The following PLPP6 variants were observed in gnomAD, a reference collection of about 807,000 sequenced individuals.
The protein encoded by PLPP6 is phospholipid phosphatase 6.
A neutral mutation model predicts 16.5 loss-of-function variants in PLPP6; 16 were observed. The observed-to-expected ratio is 0.97, with a 90% CI of 0.66 to 1.47. The LOEUF (loss-of-function observed/expected upper bound fraction) is 1.47, where lower values mean the gene tolerates loss of function less well. Among genes scored for constraint, PLPP6 ranks in the 40% most tolerant of loss-of-function variants. The pLI is 0.00. For missense variants in PLPP6, 512 were observed against 396.6 expected (o/e 1.29, Z -2.47); for synonymous variants, 226 against 188.1 (o/e 1.20, Z -1.65).
chr9:4,663,506 C>G lies in PLPP6; in HGVS notation c.*243C>G. The G allele has an allele frequency of 2.1e-6, 1 of 465,730 alleles. No homozygotes were observed. The highest frequency in any genetic ancestry group is 3.9e-6 in the Non-Finnish European group (1 of 253,446). The allele number at this position is 465,730 out of a possible 1,614,324, so 28.8% of individuals were successfully genotyped here. ...CCTCTATTGTATATTTATTCAACAA[C>G]TGTTTATGTTTCCAGGACAACTGCA... On this transcript the variant is annotated 3_prime_UTR_variant, in exon 1 of 1. Transcript: ENST00000381883.
Position 4,662,820 on chromosome 9 carries a change from G to T in PLPP6, c.445G>T (p.Gly149Cys), listed in dbSNP as rs765625387. 1.2e-6 allele frequency: 2 copies of T among 1,604,966 alleles called. No homozygotes were observed. Among genetic ancestry groups the T allele is most frequent in the Non-Finnish European group, 8.5e-7 (1 of 1,179,940 alleles). Residue 149 changes from glycine (G) to cysteine (C), a missense_variant, in exon 1 of 1, where the codon GGC becomes TGC. By Grantham distance (159) the Gly-to-Cys change is radical. Transcript: ENST00000381883. The surrounding 1 kb of genome is among the most constrained non-coding windows in gnomAD (Gnocchi z 4.9). ...GGGACACGGCATCCCCTGGCTGCTG[G>T]GCACCCTCTACTGCCTGTGCAGGAG... ...ISGHGIPWLL[G>C]TLYCLCRSDS...
chr9:4,663,344 G>A lies in PLPP6; in HGVS notation c.*81G>A, dbSNP rs960862166. 2.5e-5 allele frequency: 36 copies of A among 1,432,370 alleles called. No individual in the cohort carries two copies. The highest frequency in any genetic ancestry group is 1.7e-4 in the African/African-American group (12 of 70,598). The allele number at this position is 1,432,370 out of a possible 1,614,324, so 88.7% of individuals were successfully genotyped here. On this transcript the variant is annotated 3_prime_UTR_variant, in exon 1 of 1. Coordinates refer to ENST00000381883, the MANE Select transcript of PLPP6 (RefSeq NM_203453.5). ...GTCAACCTAAACCAGCAGCCATCCC[G>A]CTTGTCCCTCTTAGGCATTTCAGGC... is the stretch of plus-strand genomic sequence containing the variant.
In PLPP6 at chr9:4,663,359, G is replaced by T; in HGVS notation, c.*96G>T. 1 of 1,289,188 alleles carries T rather than the reference G, an allele frequency of 7.8e-7. No individual in the cohort carries two copies. Among genetic ancestry groups the T allele is most frequent in the South Asian group, 1.4e-5 (1 of 71,612 alleles). The allele number at this position is 1,289,188 out of a possible 1,614,324, so 79.9% of individuals were successfully genotyped here. A position where few individuals can be genotyped will look rare whatever the true frequency, so the allele number is the denominator to read the frequency against. On this transcript the variant is annotated 3_prime_UTR_variant, in exon 1 of 1. Coordinates refer to ENST00000381883, the MANE Select transcript of PLPP6 (RefSeq NM_203453.5). The stretch of plus-strand genomic sequence containing the variant: ...CAGCCATCCCGCTTGTCCCTCTTAG[G>T]CATTTCAGGCTTCCTTTGGGATTTC...
In PLPP6 at chr9:4,662,328, G is replaced by T. The variant is rs1587562721; in HGVS notation, c.-48G>T. ...GCGGAAGAGGCTGCAGGGCCGGGAA[G>T]CCTCTGTTTGGTCCGGCCAGGTCCC... On this transcript the variant is annotated 5_prime_UTR_variant, in exon 1 of 1. Transcript: ENST00000381883. The surrounding 1 kb of genome is among the most constrained non-coding windows in gnomAD (Gnocchi z 4.9). 2.1e-6 allele frequency: 3 copies of T among 1,448,806 alleles called. No individual in the cohort carries two copies. Among genetic ancestry groups the T allele is most frequent in the Non-Finnish European group, 2.7e-6 (3 of 1,106,890 alleles). The allele number at this position is 1,448,806 out of a possible 1,614,324, so 89.7% of individuals were successfully genotyped here.
rs939813521 is a variant in PLPP6 at position 4,663,485 on chromosome 9, T to C, written c.*222T>C. ...AAGCAAAAAAACCCAAAAAATCCTC[T>C]ATTGTATATTTATTCAACAACTGTT... On this transcript the variant is annotated 3_prime_UTR_variant, in exon 1 of 1. Transcript: ENST00000381883. 3.8e-6 allele frequency: 2 copies of C among 528,678 alleles called. No individual in the cohort carries two copies. The highest frequency in any genetic ancestry group is 6.1e-5 in the East Asian group (2 of 32,904). 32.7% of individuals were successfully genotyped at this position (528,678 alleles called of 1,614,324 possible). A position where few individuals can be genotyped will look rare whatever the true frequency, so the allele number is the denominator to read the frequency against.
chr9:4,662,463 G>C lies in PLPP6; in HGVS notation c.88G>C (p.Gly30Arg). Residue 30 changes from glycine to arginine, a missense_variant, in exon 1 of 1, where the codon GGC (glycine) becomes CGC (arginine). Gly to Arg is a moderately radical substitution (Grantham distance 125). Transcript: ENST00000381883. The surrounding 1 kb of genome is among the most constrained non-coding windows in gnomAD (Gnocchi z 4.9). ...SSSSPGSPAH[G>R]GGGGGSRFEF... is the part of the protein sequence containing the mutation. ...CAGCAGCCCCGGCAGCCCAGCCCATGGCGGCGGTGGCGGCGGCAGCAGGTT... is the reference window on the plus strand; with the variant it reads ...CAGCAGCCCCGGCAGCCCAGCCCATCGCGGCGGTGGCGGCGGCAGCAGGTT... 1 of 1,546,078 alleles carries C rather than the reference G, an allele frequency of 6.5e-7. No homozygotes were observed. The highest frequency in any genetic ancestry group is 8.7e-7 in the Non-Finnish European group (1 of 1,155,278).
In PLPP6 at chr9:4,662,584, C is replaced by G. The variant is rs891738704; in HGVS notation, c.209C>G (p.Ser70Cys). The change falls in exon 1 of 1, where the codon TCC becomes TGC. Residue 70 changes from serine (S) to cysteine (C), a missense_variant. Ser to Cys is a moderately radical substitution (Grantham distance 112). Coordinates refer to ENST00000381883, the MANE Select transcript of PLPP6 (RefSeq NM_203453.5). This position sits in a 1 kb window ranked among gnomAD's most constrained non-coding sequence, Gnocchi z 4.9. ...ASESPVHRRG[S>C]FPLAAAGPSQ... Reference sequence around the variant, plus strand: ...GAGAGCCCAGTTCACCGCCGCGGCTCCTTCCCCCTGGCCGCGGCGGGCCCC... The same window carrying G: ...GAGAGCCCAGTTCACCGCCGCGGCTGCTTCCCCCTGGCCGCGGCGGGCCCC... The G allele has an allele frequency of 3.1e-6, 5 of 1,592,030 alleles. No homozygotes were observed. In the African/African-American group the frequency reaches 5.4e-5, roughly 17 times the overall value.
Position 4,663,343 on chromosome 9 carries a change from C to A in PLPP6, c.*80C>A. 1 of 1,432,592 alleles carries A rather than the reference C, an allele frequency of 7.0e-7. No homozygotes were observed. Among genetic ancestry groups the A allele is most frequent in the Non-Finnish European group, 9.6e-7 (1 of 1,040,274 alleles). The allele number at this position is 1,432,592 out of a possible 1,614,324, so 88.7% of individuals were successfully genotyped here. A position where few individuals can be genotyped will look rare whatever the true frequency, so the allele number is the denominator to read the frequency against. ...TGTCAACCTAAACCAGCAGCCATCCCGCTTGTCCCTCTTAGGCATTTCAGG... is the reference window on the plus strand; with the variant it reads ...TGTCAACCTAAACCAGCAGCCATCCAGCTTGTCCCTCTTAGGCATTTCAGG... On this transcript the variant is annotated 3_prime_UTR_variant, in exon 1 of 1. Transcript: ENST00000381883.
Position 4,662,309 on chromosome 9 carries a change from G to C in PLPP6, c.-67G>C, listed in dbSNP as rs970560980. On this transcript the variant is annotated 5_prime_UTR_variant, in exon 1 of 1. Coordinates refer to ENST00000381883, the MANE Select transcript of PLPP6 (RefSeq NM_203453.5). This position sits in a 1 kb window ranked among gnomAD's most constrained non-coding sequence, Gnocchi z 4.9. ...CCGGGATGGTAGTGCGGAAGCGGAA[G>C]AGGCTGCAGGGCCGGGAAGCCTCTG... 34 of 1,436,230 alleles carry C rather than the reference G, an allele frequency of 2.4e-5. No homozygotes were observed. The highest frequency in any genetic ancestry group is 3.1e-5 in the Non-Finnish European group (34 of 1,100,604). 89.0% of individuals were successfully genotyped at this position (1,436,230 alleles called of 1,614,324 possible).
Position 4,664,731 on chromosome 9 carries a change from G to C in PLPP6, c.*1468G>C, listed in dbSNP as rs996684933. 1.2e-5 allele frequency: 2 copies of C among 167,092 alleles called. No homozygotes were observed. The highest frequency in any genetic ancestry group is 4.8e-5 in the African/African-American group (2 of 41,450). 10.4% of individuals were successfully genotyped at this position (167,092 alleles called of 1,614,324 possible). A position where few individuals can be genotyped will look rare whatever the true frequency, so the allele number is the denominator to read the frequency against. Reference sequence around the variant, plus strand: ...TATGGACTTTGATCTGCCATACGGAGGTTCGGAACCTGGAGAACGGCTGTG... The same window carrying C: ...TATGGACTTTGATCTGCCATACGGACGTTCGGAACCTGGAGAACGGCTGTG... On this transcript the variant is annotated 3_prime_UTR_variant, in exon 1 of 1. Transcript: ENST00000381883.
chr9:4,662,795 G>C lies in PLPP6; in HGVS notation c.420G>C (p.Ser140=), dbSNP rs774193833. 2 of 1,605,228 alleles carry C rather than the reference G, an allele frequency of 1.2e-6. No individual in the cohort carries two copies. Among genetic ancestry groups the C allele is most frequent in the Admixed American group, 1.7e-5 (1 of 60,024 alleles). ...CCCTTATGAAGCTGCTGGAGATCTCGGGACACGGCATCCCCTGGCTGCTGG... is the reference window on the plus strand; with the variant it reads ...CCCTTATGAAGCTGCTGGAGATCTCCGGACACGGCATCCCCTGGCTGCTGG... ...VRPLMKLLEI[S]GHGIPWLLGT... The change falls in exon 1 of 1, where the codon TCG becomes TCC. Residue 140 remains serine, a synonymous_variant. Coordinates refer to ENST00000381883, the MANE Select transcript of PLPP6 (RefSeq NM_203453.5). The surrounding 1 kb of genome is among the most constrained non-coding windows in gnomAD (Gnocchi z 4.9).
At position 4,664,568 on chromosome 9, in the gene PLPP6, T is replaced by A. The variant is rs978357772; in HGVS notation, c.*1305T>A. On this transcript the variant is annotated 3_prime_UTR_variant, in exon 1 of 1. Transcript: ENST00000381883. ...ACGCAGGGTGGACTCTGCTCATTAT[T>A]CTTTGACCCAGAAAGACTGGAGAAG... is the stretch of plus-strand genomic sequence containing the variant. The A allele has an allele frequency of 6.0e-6, 1 of 167,086 alleles. No individual in the cohort carries two copies. Among genetic ancestry groups the A allele is most frequent in the South Asian group, 2.1e-4 (1 of 4,830 alleles). The allele number at this position is 167,086 out of a possible 1,614,324, so 10.4% of individuals were successfully genotyped here.
rs374523936 is a variant in PLPP6 at position 4,662,827 on chromosome 9, T to G, written c.452T>G (p.Leu151Arg). 4.4e-6 allele frequency: 7 copies of G among 1,605,046 alleles called. No homozygotes were observed. The highest frequency in any genetic ancestry group is 5.1e-6 in the Non-Finnish European group (6 of 1,179,944). Residue 151 changes from leucine (L) to arginine (R), a missense_variant, in exon 1 of 1, where the codon CTC (leucine) becomes CGC (arginine). Physicochemically the swap from Leu to Arg is moderately radical, Grantham distance 102. Transcript: ENST00000381883. This position sits in a 1 kb window ranked among gnomAD's most constrained non-coding sequence, Gnocchi z 4.9. The stretch of plus-strand genomic sequence containing the variant: ...GGCATCCCCTGGCTGCTGGGCACCC[T>G]CTACTGCCTGTGCAGGAGCGACAGC... ...GHGIPWLLGT[L>R]YCLCRSDSWA...
Position 4,663,481 on chromosome 9 carries a change from C to A in PLPP6, c.*218C>A, listed in dbSNP as rs912365723. 3.7e-6 allele frequency: 2 copies of A among 546,438 alleles called. No homozygotes were observed. The highest frequency in any genetic ancestry group is 3.0e-5 in the South Asian group (1 of 33,894). 33.8% of individuals were successfully genotyped at this position (546,438 alleles called of 1,614,324 possible). ...GGGAAAGCAAAAAAACCCAAAAAAT[C>A]CTCTATTGTATATTTATTCAACAAC... On this transcript the variant is annotated 3_prime_UTR_variant, in exon 1 of 1. Coordinates refer to ENST00000381883, the MANE Select transcript of PLPP6 (RefSeq NM_203453.5).
rs557668202 is a variant in PLPP6, at chr9:4,663,891, T to C, written c.*628T>C. 2.4e-5 allele frequency: 4 copies of C among 167,142 alleles called. No individual in the cohort carries two copies. The East Asian group carries it at 7.7e-4, about 32-fold the overall frequency. The allele number at this position is 167,142 out of a possible 1,614,324, so 10.4% of individuals were successfully genotyped here. A position where few individuals can be genotyped will look rare whatever the true frequency, so the allele number is the denominator to read the frequency against. On this transcript the variant is annotated 3_prime_UTR_variant, in exon 1 of 1. Coordinates refer to ENST00000381883, the MANE Select transcript of PLPP6 (RefSeq NM_203453.5). ...CTATCCATATTTGTGGATCGGGTAG[T>C]GGGAAAAGAGATTATAATACTTGTC...
At position 4,662,494 on chromosome 9, in the gene PLPP6, T is replaced by G. The variant is rs771140540; in HGVS notation, c.119T>G (p.Phe40Cys). 1 of 1,558,780 alleles carries G rather than the reference T, an allele frequency of 6.4e-7. No individual in the cohort carries two copies. The highest frequency in any genetic ancestry group is 8.6e-7 in the Non-Finnish European group (1 of 1,161,806). The change falls in exon 1 of 1, where the codon TTC becomes TGC. Residue 40 changes from phenylalanine (F) to cysteine (C), a missense_variant. Physicochemically the swap from Phe to Cys is radical, Grantham distance 205 (BLOSUM62 -2). Transcript: ENST00000381883. This position sits in a 1 kb window ranked among gnomAD's most constrained non-coding sequence, Gnocchi z 4.9. ...GGTGGCGGCGGCAGCAGGTTTGAGT[T>G]CCAGTCCCTGCTCAGCAGCCGCGCC... The part of the protein sequence containing the change: ...GGGGGGSRFE[F>C]QSLLSSRATA...
chr9:4,662,815 T>C lies in PLPP6; in HGVS notation c.440T>C (p.Leu147Pro). The C allele has an allele frequency of 1.2e-6, 2 of 1,605,168 alleles. No individual in the cohort carries two copies. The highest frequency in any genetic ancestry group is 1.7e-6 in the Non-Finnish European group (2 of 1,179,928). Residue 147 changes from leucine to proline, a missense_variant, in exon 1 of 1, where the codon CTG becomes CCG. Leu to Pro is a moderately conservative substitution (Grantham distance 98). Coordinates refer to ENST00000381883, the MANE Select transcript of PLPP6 (RefSeq NM_203453.5). The surrounding 1 kb of genome is among the most constrained non-coding windows in gnomAD (Gnocchi z 4.9). Reference protein sequence around the residue: ...LEISGHGIPWLLGTLYCLCRS... With the variant: ...LEISGHGIPWPLGTLYCLCRS... ...ATCTCGGGACACGGCATCCCCTGGCTGCTGGGCACCCTCTACTGCCTGTGC... is the reference window on the plus strand; with the variant it reads ...ATCTCGGGACACGGCATCCCCTGGCCGCTGGGCACCCTCTACTGCCTGTGC...
Position 4,662,604 on chromosome 9 carries a change from G to T in PLPP6, c.229G>T (p.Gly77Cys), listed in dbSNP as rs760313037. The T allele has an allele frequency of 6.3e-7, 1 of 1,594,542 alleles. No homozygotes were observed. Among genetic ancestry groups the T allele is most frequent in the Non-Finnish European group, 8.5e-7 (1 of 1,177,820 alleles). ...CGGCTCCTTCCCCCTGGCCGCGGCG[G>T]GCCCCTCGCAGTCGCCCGCGCCTCC... is the stretch of plus-strand genomic sequence containing the variant. ...RRGSFPLAAA[G>C]PSQSPAPPLP... The change falls in exon 1 of 1, where the codon GGC becomes TGC. Residue 77 changes from glycine (G) to cysteine (C), a missense_variant. By Grantham distance (159) the Gly-to-Cys change is radical. Coordinates refer to ENST00000381883, the MANE Select transcript of PLPP6 (RefSeq NM_203453.5). This position sits in a 1 kb window ranked among gnomAD's most constrained non-coding sequence, Gnocchi z 4.9.
chr9:4,663,402 G>A lies in PLPP6; in HGVS notation c.*139G>A. 1.1e-6 allele frequency: 1 copy of A among 914,588 alleles called. No homozygotes were observed. The highest frequency in any genetic ancestry group is 1.7e-6 in the Non-Finnish European group (1 of 586,536). The allele number at this position is 914,588 out of a possible 1,614,324, so 56.7% of individuals were successfully genotyped here. On this transcript the variant is annotated 3_prime_UTR_variant, in exon 1 of 1. Transcript: ENST00000381883. Reference sequence around the variant, plus strand: ...GGGATTTCAGGTGTCCCATGATCTTGATGTGCTGCTAGGCTGGAGCACACA... The same window carrying A: ...GGGATTTCAGGTGTCCCATGATCTTAATGTGCTGCTAGGCTGGAGCACACA...
Sources: allele counts gnomAD v4.1 joint callset, GRCh38; gene constraint gnomAD v4.1.1; non-coding constraint Gnocchi (gnomAD v3.1); transcripts MANE v1.5; gene names NCBI Gene and HGNC (gene_info 2026-07-23, HGNC 2026-07-21).